Variants in ZNF804A observed in about 807,000 individuals in gnomAD.
ZNF804A encodes zinc finger protein 804A.
A neutral mutation model predicts 16.5 loss-of-function variants in ZNF804A; 2 were observed. The ratio of observed to expected loss-of-function variants is 0.12; its 90% confidence interval spans 0.05 to 0.38. The LOEUF (loss-of-function observed/expected upper bound fraction) is 0.38. ZNF804A is among the 10% of genes least tolerant of loss of function. The probability of loss-of-function intolerance (pLI) is 0.99; values close to 1 mark genes in which losing one functional copy is unlikely to be tolerated. For missense variants in ZNF804A, 1,473 were observed against 1,390.7 expected, an observed-to-expected ratio of 1.06 and a Z score of -0.94; for synonymous variants, 534 against 489.6, an observed-to-expected ratio of 1.09 and a Z score of -1.20.
At chr2:184,852,229 TTCTCTCTCTC>T (rs10618125) in intron 1 of ZNF804A, among the ~76,000 whole-genome samples, 5 of 134,666 alleles carry the variant, frequency 3.7e-5, no homozygotes, top group Admixed American at 7.4e-5. Flanking sequence ...TGCGGTCTCT[TTCTCTCTCTC>T]TCTCTCTCTC....
At chr2:184,764,645 A>G (rs898585377) in intron 1 of ZNF804A, among the ~76,000 whole-genome samples, 47 of 152,212 alleles carry the variant, frequency 3.1e-4, no homozygotes, top group Non-Finnish European at 1.5e-4. Flanking sequence ...CAATTTATAC[A>G]GGCACATCTT....
intron 1 of ZNF804A, among the ~76,000 whole-genome samples, chr2:184,782,767 A>ATT (rs369282860): frequency 7.7e-4 from 103 of 133,502 alleles, no homozygotes; most frequent in African/African-American, 2.7e-3. Context: ...TCCAGTAAGG[A>ATT]TTTTTTTTTT....
intron 1 of ZNF804A, among the ~76,000 whole-genome samples, chr2:184,657,291 T>C (rs1006478896): frequency 1.3e-5 from 2 of 152,104 alleles, no homozygotes; most frequent in African/African-American, 4.8e-5. Flanking sequence ...TTCGCCATGT[T>C]GCCTGGGTTA....
chr2:184,801,930 A>G (rs1265599862), intron 1 of ZNF804A, among the ~76,000 whole-genome samples: 1 of 152,052 alleles, frequency 6.6e-6, no homozygotes, highest in Non-Finnish European at 1.5e-5. Context: ...TTTTATGTTA[A>G]TCTTGCTAGG....
intron 1 of ZNF804A, among the ~76,000 whole-genome samples, chr2:184,770,096 T>G (rs1694188713): frequency 6.6e-6 from 1 of 152,050 alleles, no homozygotes; most frequent in South Asian, 2.1e-4. Context: ...CTACTCAATA[T>G]GTAAAGTCAT....
At chr2:184,626,219 C>G (rs1691496166) in intron 1 of ZNF804A, among the ~76,000 whole-genome samples, 2 of 152,016 alleles carry the variant, frequency 1.3e-5, no homozygotes, top group Admixed American at 1.3e-4. Flanking sequence ...TCCAATTTTT[C>G]TTTGTAATCT....
intron 1 of ZNF804A, among the ~76,000 whole-genome samples, chr2:184,673,415 G>C (rs928051395): frequency 1.3e-5 from 2 of 152,088 alleles, no homozygotes; most frequent in African/African-American, 4.8e-5. Context: ...ACCATATCTT[G>C]ATTATCCAAT....
At chr2:184,928,933 C>G (rs10803979) in intron 2 of ZNF804A, among the ~76,000 whole-genome samples, 10,191 of 152,196 alleles carry the variant, frequency 0.067, 1,158 homozygotes, top group African/African-American at 0.23. Context: ...GAGGCATTGG[C>G]TATTCAAGAC....
At chr2:184,612,585 C>T (rs1574131189) in intron 1 of ZNF804A, among the ~76,000 whole-genome samples, 1 of 152,008 alleles carries the variant, frequency 6.6e-6, no homozygotes, top group Non-Finnish European at 1.5e-5. Flanking sequence ...CAGGCTCCCA[C>T]CACCAAGTCT....
In ZNF804A at chr2:184,761,096, A is replaced by G. The variant is rs1694031260; in HGVS notation, c.112-105273A>G. On this transcript the variant is annotated intron_variant, in intron 1 of 3. Coordinates refer to ENST00000302277, the MANE Select transcript of ZNF804A (RefSeq NM_194250.2). ...GTTGCTTTTGAGTTCTTACTGGAAT[A>G]CTTTTCACGGAACTTAAATTAGTTT... is the stretch of plus-strand genomic sequence containing the variant. Among the ~76,000 whole-genome samples the G allele has an allele frequency of 2.6e-5, 4 of 152,260 alleles. No homozygotes were observed. In the South Asian group the frequency reaches 8.3e-4, roughly 32 times the overall value.
At chr2:184,662,349 A>T (rs1692187522) in intron 1 of ZNF804A, among the ~76,000 whole-genome samples, 1 of 152,174 alleles carries the variant, frequency 6.6e-6, no homozygotes, top group South Asian at 2.1e-4. Context: ...CATTCCTTGG[A>T]ACTGTCAGGA....
chr2:184,911,146 A>G (rs1169393398), intron 2 of ZNF804A, among the ~76,000 whole-genome samples: 2 of 151,998 alleles, frequency 1.3e-5, no homozygotes, highest in African/African-American at 2.4e-5. Context: ...TAATTTTTGT[A>G]TTTGGTGAGA....
Position 184,935,825 on chromosome 2 carries a change from T to C in ZNF804A, c.429T>C (p.Thr143=). 6.2e-7 allele frequency: 1 copy of C among 1,612,984 alleles called. No individual in the cohort carries two copies. The highest frequency in any genetic ancestry group is 1.1e-5 in the South Asian group (1 of 90,928). Residue 143 remains threonine, a synonymous_variant, in exon 4 of 4, where the codon ACT becomes ACC. Transcript: ENST00000302277. Reference sequence around the variant, plus strand: ...CCATGTTCAAATCAACAACTGTTACTGTGAGAGAAAACTGTAATGAAATTT... The same window carrying C: ...CCATGTTCAAATCAACAACTGTTACCGTGAGAGAAAACTGTAATGAAATTT... ...SGPMFKSTTV[T]VRENCNEISQ... is the part of the protein sequence containing the mutation.
In ZNF804A at chr2:184,919,452, G is replaced by T. The variant is rs76602719; in HGVS notation, c.256-14151G>T. On this transcript the variant is annotated intron_variant, in intron 2 of 3. Coordinates refer to ENST00000302277, the MANE Select transcript of ZNF804A (RefSeq NM_194250.2). ...CTGTTCCTGCCACCATGGCCTCTTT[G>T]TTCATGAGTTCATTGGGCAGTGACA... Among the ~76,000 whole-genome samples, 308 of 152,260 alleles carry T rather than the reference G, an allele frequency of 2.0e-3. 2 individuals carry two copies. The highest frequency in any genetic ancestry group is 3.7e-3 in the Non-Finnish European group (255 of 68,012).
intron 1 of ZNF804A, among the ~76,000 whole-genome samples, chr2:184,749,902 G>A (rs1392049124): frequency 6.6e-6 from 1 of 151,182 alleles, no homozygotes; most frequent in African/African-American, 2.4e-5. Flanking sequence ...AAAGATTTAA[G>A]ATCCTGCAAA....
At chr2:184,710,181 A>C (rs953115074) in intron 1 of ZNF804A, among the ~76,000 whole-genome samples, 12 of 150,982 alleles carry the variant, frequency 7.9e-5, no homozygotes, top group African/African-American at 2.9e-4. Context: ...TAAACTGTAC[A>C]TATGTACTTA....
intron 1 of ZNF804A, among the ~76,000 whole-genome samples, chr2:184,847,491 A>G (rs979508332): frequency 2.0e-5 from 3 of 152,094 alleles, no homozygotes; most frequent in African/African-American, 7.2e-5. Context: ...AGACAACAGC[A>G]AAGCTTTTTA....
chr2:184,859,380 T>A (rs576114160), intron 1 of ZNF804A, among the ~76,000 whole-genome samples: 1 of 152,198 alleles, frequency 6.6e-6, no homozygotes, highest in East Asian at 1.9e-4. Context: ...AATTCTGCTG[T>A]TGATGTTCTC....
At chr2:184,733,433 A>G (rs1014295898) in intron 1 of ZNF804A, among the ~76,000 whole-genome samples, 7 of 152,124 alleles carry the variant, frequency 4.6e-5, no homozygotes, top group African/African-American at 1.7e-4. Flanking sequence ...GATTTGATAT[A>G]ATTTGGAGGG....
Sources: allele counts gnomAD v4.1 joint callset (sites outside exome capture counted in the v4.1 genomes callset), GRCh38; gene constraint gnomAD v4.1.1; transcripts MANE v1.5; gene names NCBI Gene and HGNC (gene_info 2026-07-23, HGNC 2026-07-21).